Variants in UBA52 observed in about 807,000 individuals in gnomAD.
UBA52 encodes the protein ubiquitin A-52 residue ribosomal protein fusion product 1, also known as ubiquitin-ribosomal protein eL40 fusion protein.
Under a neutral mutation model 15.3 loss-of-function variants are expected in UBA52, and 1 was observed. The observed-to-expected ratio is 0.07, with a 90% CI of 0.02 to 0.31. UBA52 has a LOEUF of 0.31. UBA52 is among the 10% of genes least tolerant of loss of function. The pLI is 1.00. For missense variants in UBA52, 87 were observed against 168.0 expected (o/e 0.52, Z 2.66); for synonymous variants, 50 against 58.3 (o/e 0.86, Z 0.65).
chr19:18,568,391 C>T (rs756069368), upstream of UBA52: 3 of 1,607,520 alleles, frequency 1.9e-6, no homozygotes, highest in East Asian at 6.7e-5. Context: ...TCTTGGGCCT[C>T]CTTCCCCCAG....
At chr19:18,570,710 G>A (rs771044250), upstream of UBA52, among the ~76,000 whole-genome samples, 1 of 146,666 alleles carries the variant, frequency 6.8e-6, no homozygotes, top group Non-Finnish European at 1.5e-5. Flanking sequence ...TTTTTGAGAC[G>A]GAGTTTTGCT....
At chr19:18,564,516 G>A in the UBA52 span, among the ~76,000 whole-genome samples, 5 of 152,048 alleles carry the variant, frequency 3.3e-5, no homozygotes, top group Non-Finnish European at 7.4e-5. Flanking sequence ...AGCTATACTC[G>A]GGAGGCTGAG....
At chr19:18,565,478 C>T in the UBA52 span, among the ~76,000 whole-genome samples, 8 of 151,986 alleles carry the variant, frequency 5.3e-5, no homozygotes, top group Non-Finnish European at 4.4e-5. Flanking sequence ...GTGATCCAGC[C>T]GCCTTGGCCT....
At chr19:18,573,799 G>A (rs748049801) in intron 3 of UBA52, 51 bp downstream of exon 3, 1 of 1,572,068 alleles carries the variant, frequency 6.4e-7, no homozygotes, top group Admixed American at 1.7e-5. Context: ...CAGGTCCTAG[G>A]AAAGGAGCAT....
At chr19:18,573,156 A>G in intron 1 of UBA52, 137 bp from the exon 2 acceptor site, 1 of 1,102,738 alleles carries the variant, frequency 9.1e-7, no homozygotes, top group Admixed American at 2.2e-5. Flanking sequence ...GAGGAGTGAA[A>G]GGAAGACAGG....
At position 18,575,170 on chromosome 19, in the gene UBA52, G is replaced by T. The variant is rs757091248; in HGVS notation, c.*20G>T. On this transcript the variant is annotated 3_prime_UTR_variant, in exon 5 of 5. Transcript: ENST00000442744. ...AAATAAGGTGGTTCTTTCCTTGAAGGGCAGCCTCCTGCCCAGGCCCCGTGG... is the reference window on the plus strand; with the variant it reads ...AAATAAGGTGGTTCTTTCCTTGAAGTGCAGCCTCCTGCCCAGGCCCCGTGG... 9 of 1,613,954 alleles carry T rather than the reference G, an allele frequency of 5.6e-6. No homozygotes were observed. In the East Asian group the frequency reaches 2.0e-4, roughly 36 times the overall value.
chr19:18,565,142 G>A, the UBA52 span: 2 of 1,496,896 alleles, frequency 1.3e-6, no homozygotes, highest in Non-Finnish European at 1.8e-6. Flanking sequence ...AGGCTTCACT[G>A]CGCACTTAAG....
chr19:18,574,081 T>C (rs948245583), intron 3 of UBA52, among the ~76,000 whole-genome samples: 1 of 151,840 alleles, frequency 6.6e-6, no homozygotes, highest in African/African-American at 2.4e-5. Flanking sequence ...GTCAAGAGAT[T>C]GAGATCATCA....
chr19:18,566,896 C>G (rs988032337), upstream of UBA52, among the ~76,000 whole-genome samples: 1 of 152,198 alleles, frequency 6.6e-6, no homozygotes, highest in Admixed American at 6.5e-5. Context: ...CAGAGTCTAA[C>G]TAGTTGGGGG....
chr19:18,572,883 C>T, intron 1 of UBA52: 1 of 1,065,078 alleles, frequency 9.4e-7, no homozygotes, highest in Non-Finnish European at 1.1e-6. Context: ...GCAGCCTGTG[C>T]AGATCAGGAC....
chr19:18,577,329 AAG>A lies in UBA52; in HGVS notation c.*2181_*2182del, dbSNP rs1170435745. 1 of 152,102 alleles carries A rather than the reference AAG, an allele frequency of 6.6e-6. No homozygotes were observed. Among genetic ancestry groups the A allele is most frequent in the East Asian group, 1.9e-4 (1 of 5,152 alleles). The allele number at this position is 152,102 out of a possible 1,614,324, so 9.4% of individuals were successfully genotyped here. A position where few individuals can be genotyped will look rare whatever the true frequency, so the allele number is the denominator to read the frequency against. ...GGAAGAACCACTCTTAATGGACAAAAAGAAAGAAAGGGGAGGGAGTAACAGGG... is the reference window on the plus strand; with the variant it reads ...GGAAGAACCACTCTTAATGGACAAAAAAAGAAAGGGGAGGGAGTAACAGGG... On this transcript the variant is annotated 3_prime_UTR_variant, in exon 5 of 5. Coordinates refer to ENST00000442744, the MANE Select transcript of UBA52 (RefSeq NM_001033930.3).
At chr19:18,567,137 T>C (rs1439874378), upstream of UBA52, 1 of 1,614,016 alleles carries the variant, frequency 6.2e-7, no homozygotes, top group South Asian at 1.1e-5. Context: ...TGCAGGACGC[T>C]GAAAGGGAAA....
upstream of UBA52, chr19:18,567,080 C>A: frequency 6.3e-7 from 1 of 1,588,704 alleles, no homozygotes; most frequent in Non-Finnish European, 8.6e-7. Context: ...AGCACCAGGC[C>A]CAGCCTACCT....
In UBA52 at chr19:18,577,501, C is replaced by T. The variant is rs186847572; in HGVS notation, c.*2351C>T. 1.3e-5 allele frequency: 2 copies of T among 152,156 alleles called. No individual in the cohort carries two copies. Among genetic ancestry groups the T allele is most frequent in the Admixed American group, 6.5e-5 (1 of 15,268 alleles). 9.4% of individuals were successfully genotyped at this position (152,156 alleles called of 1,614,324 possible). Reference sequence around the variant, plus strand: ...GACTCTTTTTGAACTGTTAACACTCCCCGCAAAGGTCCGCAGCTTCATTCT... The same window carrying T: ...GACTCTTTTTGAACTGTTAACACTCTCCGCAAAGGTCCGCAGCTTCATTCT... On this transcript the variant is annotated 3_prime_UTR_variant, in exon 5 of 5. Transcript: ENST00000442744.
rs1975726459 is a variant in UBA52 at position 18,575,139 on chromosome 19, A to G, written c.376A>G (p.Lys126Glu). 1 of 1,613,952 alleles carries G rather than the reference A, an allele frequency of 6.2e-7. No individual in the cohort carries two copies. The highest frequency in any genetic ancestry group is 1.1e-5 in the South Asian group (1 of 91,082). ...GHTNNLRPKKKVK is the reference protein window; with the variant it reads ...GHTNNLRPKKEVK ...CACCAACAACCTGCGTCCCAAGAAG[A>G]AGGTCAAATAAGGTGGTTCTTTCCT... Residue 126 changes from lysine to glutamate, a missense_variant, in exon 5 of 5, where the codon AAG becomes GAG. Physicochemically the swap from Lys to Glu is moderately conservative, Grantham distance 56 (BLOSUM62 1). Coordinates refer to ENST00000442744, the MANE Select transcript of UBA52 (RefSeq NM_001033930.3).
At chr19:18,568,387 G>T, upstream of UBA52, 2 of 1,601,754 alleles carry the variant, frequency 1.2e-6, no homozygotes, top group African/African-American at 1.3e-5. Flanking sequence ...CAACTCTTGG[G>T]CCTCCTTCCC....
At chr19:18,566,410 C>T in the UBA52 span, among the ~76,000 whole-genome samples, 22 of 76,922 alleles carry the variant, frequency 2.9e-4, no homozygotes, top group East Asian at 1.7e-3. Flanking sequence ...GAGCCGAGAT[C>T]GCGCCACTGC....
intron 3 of UBA52, among the ~76,000 whole-genome samples, chr19:18,574,061 A>G (rs1254934445): frequency 1.3e-5 from 2 of 151,910 alleles, no homozygotes; most frequent in East Asian, 3.9e-4. Flanking sequence ...TGAGGCGGGC[A>G]GATCACAAGG....
At chr19:18,569,659 C>T (rs1369209318), upstream of UBA52, among the ~76,000 whole-genome samples, 1 of 151,338 alleles carries the variant, frequency 6.6e-6, no homozygotes, top group African/African-American at 2.4e-5. Context: ...CTCAGCCTTC[C>T]TCCAGATAGG....
Sources: allele counts gnomAD v4.1 joint callset (sites outside exome capture counted in the v4.1 genomes callset), GRCh38; gene constraint gnomAD v4.1.1; transcripts MANE v1.5; gene names NCBI Gene and HGNC (gene_info 2026-07-23, HGNC 2026-07-21).